Variants in SLC16A7 observed in about 807,000 individuals in gnomAD.
SLC16A7 encodes the protein solute carrier family 16 member 7.
Under a neutral mutation model 34.9 loss-of-function variants are expected in SLC16A7, and 33 were observed. The ratio of observed to expected loss-of-function variants is 0.94; its 90% CI spans 0.72 to 1.26. The LOEUF is 1.26. SLC16A7 is among the 50% of genes most tolerant of loss of function. SLC16A7 has a pLI of 0.00. For missense variants in SLC16A7, 573 were observed against 578.1 expected, an observed-to-expected ratio of 0.99 and a Z score of 0.09; for synonymous variants, 201 against 206.6, an observed-to-expected ratio of 0.97 and a Z score of 0.23.
rs1868847293 is a variant in SLC16A7 at position 59,661,477 on chromosome 12, G to A, written c.-31+6227G>A. 2.0e-5 allele frequency among the ~76,000 whole-genome samples: 3 copies of A among 152,052 alleles called. No individual in the cohort carries two copies. In the South Asian group the frequency reaches 6.2e-4, roughly 32 times the overall value. On this transcript the variant is annotated intron_variant, in intron 2 of 5. Transcript: ENST00000547379. ...CACAGTGCAAGCTGAGAGTGATGGC[G>A]GGGAGCTAAGTGGAACCCAAGGTCC...
intron 3 of SLC16A7, among the ~76,000 whole-genome samples, chr12:59,763,735 C>T (rs1158576751): frequency 6.6e-6 from 1 of 152,136 alleles, no homozygotes; most frequent in Non-Finnish European, 1.5e-5. Flanking sequence ...TTTTTCATGA[C>T]AGCATGTGCT....
At chr12:59,695,886 G>A (rs938644898) in intron 2 of SLC16A7, among the ~76,000 whole-genome samples, 1 of 152,054 alleles carries the variant, frequency 6.6e-6, no homozygotes, top group African/African-American at 2.4e-5. Context: ...TGATTAGGAA[G>A]TGTGAATTCT....
intron 1 of SLC16A7, among the ~76,000 whole-genome samples, chr12:59,615,536 C>T (rs557861690): frequency 9.9e-4 from 150 of 152,248 alleles, no homozygotes; most frequent in African/African-American, 3.4e-3. Flanking sequence ...ATGGAGAGGC[C>T]TATGTGTCAA....
intron 1 of SLC16A7, among the ~76,000 whole-genome samples, chr12:59,617,781 C>T (rs1879521150): frequency 6.6e-6 from 1 of 151,856 alleles, no homozygotes; most frequent in Non-Finnish European, 1.5e-5. Context: ...TTAAATTGAA[C>T]ATCATTAGGC....
chr12:59,608,882 C>T (rs898300753), intron 1 of SLC16A7, among the ~76,000 whole-genome samples: 3 of 152,108 alleles, frequency 2.0e-5, no homozygotes, highest in Non-Finnish European at 2.9e-5. Flanking sequence ...AAAAGTGTCA[C>T]CAACAAATAT....
intron 3 of SLC16A7, among the ~76,000 whole-genome samples, chr12:59,740,815 A>G (rs550820331): frequency 3.9e-5 from 6 of 152,054 alleles, no homozygotes; most frequent in East Asian, 1.9e-4. Flanking sequence ...GAAAACCCCA[A>G]TGTCTCAGCC....
chr12:59,620,822 C>T (rs1246312157), intron 1 of SLC16A7, among the ~76,000 whole-genome samples: 1 of 151,804 alleles, frequency 6.6e-6, no homozygotes, highest in Non-Finnish European at 1.5e-5. Flanking sequence ...CATGAGTTCA[C>T]CCACTCCAAA....
At chr12:59,769,454 A>G (rs1051975832) in intron 3 of SLC16A7, 2 of 152,016 alleles carry the variant, frequency 1.3e-5, no homozygotes, top group African/African-American at 4.8e-5. Flanking sequence ...CAACTTGTAC[A>G]ATTTTCTTTT....
intron 2 of SLC16A7, among the ~76,000 whole-genome samples, chr12:59,686,123 G>A (rs1254057121): frequency 6.8e-6 from 1 of 147,836 alleles, no homozygotes; most frequent in Admixed American, 6.7e-5. Flanking sequence ...TTTTGCAGGG[G>A]AGGGTCCCTG....
chr12:59,752,941 G>A (rs1012328371), intron 3 of SLC16A7, among the ~76,000 whole-genome samples: 2 of 152,172 alleles, frequency 1.3e-5, no homozygotes, highest in African/African-American at 2.4e-5. Context: ...AGAGAGTGGA[G>A]GCCAATATTC....
At chr12:59,684,667 G>A (rs538930333) in intron 2 of SLC16A7, among the ~76,000 whole-genome samples, 1 of 152,206 alleles carries the variant, frequency 6.6e-6, no homozygotes, top group Admixed American at 6.5e-5. Flanking sequence ...GGGCAGAGTG[G>A]AACCCAGTCA....
At chr12:59,734,444 CA>C (rs1304729674) in intron 3 of SLC16A7, among the ~76,000 whole-genome samples, 1 of 152,212 alleles carries the variant, frequency 6.6e-6, no homozygotes, top group African/African-American at 2.4e-5. Flanking sequence ...CCTGCAGGGG[CA>C]GGGGGGCTTC....
chr12:59,650,695 G>C (rs1301878498), intron 1 of SLC16A7, among the ~76,000 whole-genome samples: 1 of 152,040 alleles, frequency 6.6e-6, no homozygotes, highest in Admixed American at 6.6e-5. Flanking sequence ...GATCTGCTTT[G>C]GTATCCCTGC....
chr12:59,653,260 AAAAAG>A (rs2137020717), intron 1 of SLC16A7, among the ~76,000 whole-genome samples: 1 of 151,890 alleles, frequency 6.6e-6, no homozygotes, highest in Non-Finnish European at 1.5e-5. Context: ...TTGATGAATA[AAAAAG>A]AAAAGAGAAA....
intron 1 of SLC16A7, among the ~76,000 whole-genome samples, chr12:59,610,296 G>T (rs969232435): frequency 3.3e-5 from 5 of 152,082 alleles, no homozygotes; most frequent in Non-Finnish European, 7.4e-5. Context: ...AAACTTAAAA[G>T]AATGAGAAAA....
At chr12:59,712,464 G>T (rs1874348090) in intron 3 of SLC16A7, among the ~76,000 whole-genome samples, 1 of 152,076 alleles carries the variant, frequency 6.6e-6, no homozygotes, top group Non-Finnish European at 1.5e-5. Context: ...TCTATGTTTA[G>T]GGAATTCCCA....
intron 2 of SLC16A7, among the ~76,000 whole-genome samples, chr12:59,672,220 G>A (rs56003966): frequency 1.1e-5 from 1 of 94,370 alleles, no homozygotes; most frequent in Non-Finnish European, 2.5e-5. Context: ...GTATATATAT[G>A]TGTATATATG....
chr12:59,775,903 A>C (rs1030548274), intron 5 of SLC16A7, among the ~76,000 whole-genome samples: 1 of 152,148 alleles, frequency 6.6e-6, no homozygotes, highest in Admixed American at 6.6e-5. Flanking sequence ...AGTACATTGG[A>C]TATATTAATT....
At chr12:59,598,429 A>T (rs1225701660) in intron 1 of SLC16A7, among the ~76,000 whole-genome samples, 1 of 152,186 alleles carries the variant, frequency 6.6e-6, no homozygotes, top group African/African-American at 2.4e-5. Flanking sequence ...GCTTTCAAGA[A>T]GTTCTCATAT....
Sources: allele counts gnomAD v4.1 joint callset (sites outside exome capture counted in the v4.1 genomes callset), GRCh38; gene constraint gnomAD v4.1.1; transcripts MANE v1.5; gene names NCBI Gene and HGNC (gene_info 2026-07-23, HGNC 2026-07-21).